Variants in CERS3 observed in about 807,000 individuals in gnomAD.
The protein encoded by CERS3 is LAG1 homolog, ceramide synthase 3.
CERS3 carries 33 observed loss-of-function variants against 50.3 expected under a neutral mutation model. The observed-to-expected ratio is 0.66, with a 90% CI of 0.50 to 0.88. The LOEUF (loss-of-function observed/expected upper bound fraction) is 0.88. Ranked by LOEUF, CERS3 falls within the 40% of genes least tolerant of loss-of-function variation. The probability of loss-of-function intolerance (pLI) is 0.00; values close to 1 mark genes in which losing one functional copy is unlikely to be tolerated. For missense variants in CERS3, 470 were observed against 460.3 expected (o/e 1.02, Z -0.19); for synonymous variants, 176 against 155.2 (o/e 1.13, Z -0.99).
intron 11 of CERS3, among the ~76,000 whole-genome samples, chr15:100,439,795 G>A (rs547497384): frequency 1.2e-4 from 18 of 152,264 alleles, no homozygotes; most frequent in Non-Finnish European, 1.5e-5. Context: ...ACACATGCAA[G>A]ACTGCTGAAG....
intron 3 of CERS3, among the ~76,000 whole-genome samples, chr15:100,496,149 A>G (rs2035807201): frequency 6.6e-6 from 1 of 152,208 alleles, no homozygotes; most frequent in Non-Finnish European, 1.5e-5. Flanking sequence ...AGGGATATAC[A>G]CTAACAGTGC....
At chr15:100,427,997 C>T (rs1474621914) in intron 11 of CERS3, among the ~76,000 whole-genome samples, 4 of 152,178 alleles carry the variant, frequency 2.6e-5, no homozygotes, top group Admixed American at 6.5e-5. Flanking sequence ...GTCAAAACGG[C>T]CTCCCCTGGT....
At chr15:100,412,552 A>G (rs1473687186) in intron 11 of CERS3, among the ~76,000 whole-genome samples, 2 of 152,140 alleles carry the variant, frequency 1.3e-5, no homozygotes, top group Non-Finnish European at 2.9e-5. Flanking sequence ...AAGTCCTGTG[A>G]AGTTTGAATC....
At chr15:100,443,134 T>C (rs889433338) in intron 11 of CERS3, among the ~76,000 whole-genome samples, 7 of 151,404 alleles carry the variant, frequency 4.6e-5, no homozygotes, top group Middle Eastern at 3.4e-3. Context: ...TTCTTCCCAA[T>C]CCAAAGCCTC....
At chr15:100,443,032 C>A (rs980433948) in intron 11 of CERS3, among the ~76,000 whole-genome samples, 85 of 152,084 alleles carry the variant, frequency 5.6e-4, no homozygotes, top group Non-Finnish European at 9.6e-4. Flanking sequence ...TTATCCCCAC[C>A]TGCCCAGTTC....
chr15:100,499,106 G>T (rs528032866), intron 3 of CERS3, among the ~76,000 whole-genome samples: 63 of 152,264 alleles, frequency 4.1e-4, no homozygotes, highest in African/African-American at 1.5e-3. Context: ...TGTTGCTGGG[G>T]TGGAGAATCT....
chr15:100,483,131 G>C (rs1051059281), intron 5 of CERS3, among the ~76,000 whole-genome samples: 1 of 152,076 alleles, frequency 6.6e-6, no homozygotes, highest in African/African-American at 2.4e-5. Flanking sequence ...CATTCTTCAA[G>C]GTCCAACCTA....
At chr15:100,436,845 GAC>G (rs915335852) in intron 11 of CERS3, among the ~76,000 whole-genome samples, 2 of 151,742 alleles carry the variant, frequency 1.3e-5, no homozygotes, top group African/African-American at 4.8e-5. Context: ...GAGCTGAAAA[GAC>G]ACGCTGTTAT....
chr15:100,482,128 A>T (rs1180746544), intron 5 of CERS3, among the ~76,000 whole-genome samples: 1 of 152,238 alleles, frequency 6.6e-6, no homozygotes, highest in Non-Finnish European at 1.5e-5. Context: ...AAGTTGGAGA[A>T]TTGCTGCACT....
At chr15:100,484,255 CAGGCTGAGT>C (rs2035418434) in intron 5 of CERS3, among the ~76,000 whole-genome samples, 2 of 152,166 alleles carry the variant, frequency 1.3e-5, no homozygotes, top group Non-Finnish European at 2.9e-5. Flanking sequence ...TTCTGGGTTT[CAGGCTGAGT>C]ACATAACATC....
upstream of CERS3, among the ~76,000 whole-genome samples, chr15:100,529,427 T>C (rs1341875547): frequency 6.6e-6 from 1 of 152,226 alleles, no homozygotes; most frequent in East Asian, 1.9e-4. Flanking sequence ...AACGATCAGT[T>C]TTTTGAAGCA....
intron 2 of CERS3, among the ~76,000 whole-genome samples, chr15:100,512,638 C>T (rs1386758387): frequency 5.3e-5 from 8 of 152,148 alleles, no homozygotes; most frequent in African/African-American, 1.9e-4. Context: ...GTCCTATATT[C>T]GTCAGAGTTG....
rs7163884 is a variant in CERS3, at chr15:100,413,396, C to T, written c.1000-10531G>A. On this transcript the variant is annotated intron_variant, in intron 11 of 11. Transcript: ENST00000679737. ...GTTTCAAATCTTAATATTCAAGATA[C>T]ACAAAGAGCTCAAATAACTCATATG... Among the ~76,000 whole-genome samples the T allele has an allele frequency of 5.3e-3, 799 of 152,072 alleles. 7 individuals carry two copies. Among genetic ancestry groups the T allele is most frequent in the African/African-American group, 0.018 (764 of 41,470 alleles).
At chr15:100,483,947 A>C (rs2654634) in intron 5 of CERS3, among the ~76,000 whole-genome samples, 130,782 of 150,302 alleles carry the variant, frequency 0.87, 57,634 homozygotes, top group East Asian at 0.96. Flanking sequence ...CGCCCAGCTA[A>C]TTTTTTGTAT....
intron 1 of CERS3, among the ~76,000 whole-genome samples, chr15:100,534,933 C>T (rs957571566): frequency 7.9e-5 from 12 of 152,024 alleles, no homozygotes; most frequent in African/African-American, 2.7e-4. Flanking sequence ...ACTTGGAAGT[C>T]CCCTCCCCAC....
chr15:100,501,065 C>G (rs2035982276), intron 3 of CERS3, among the ~76,000 whole-genome samples: 1 of 152,008 alleles, frequency 6.6e-6, no homozygotes, highest in Non-Finnish European at 1.5e-5. Context: ...AATAAAAAGG[C>G]TGGAAATAAT....
chr15:100,482,297 G>A (rs767069217), intron 5 of CERS3, among the ~76,000 whole-genome samples: 2 of 152,168 alleles, frequency 1.3e-5, no homozygotes, highest in Non-Finnish European at 2.9e-5. Context: ...CGAATTGGTT[G>A]GGTAACAATG....
chr15:100,534,897 T>C (rs2142422718), intron 1 of CERS3, among the ~76,000 whole-genome samples: 1 of 152,314 alleles, frequency 6.6e-6, no homozygotes, highest in East Asian at 1.9e-4. Context: ...TTTACAACTC[T>C]GAAATTTGTC....
At chr15:100,469,605 G>A (rs1234397308) in intron 9 of CERS3, 121 bp from the exon 10 acceptor site, 7 of 678,580 alleles carry the variant, frequency 1.0e-5, no homozygotes, top group Non-Finnish European at 1.8e-5. Flanking sequence ...TGGAAAGTAG[G>A]GGGTACAGGT....
Sources: allele counts gnomAD v4.1 joint callset (sites outside exome capture counted in the v4.1 genomes callset), GRCh38; gene constraint gnomAD v4.1.1; transcripts MANE v1.5; gene names NCBI Gene and HGNC (gene_info 2026-07-23, HGNC 2026-07-21).